The following DOCK11 variants were observed in gnomAD, a reference collection of about 807,000 sequenced individuals.
DOCK11 encodes dedicator of cytokinesis 11.
In DOCK11, 70 loss-of-function variants were observed where a neutral mutation model predicts 169.1. That is an observed-to-expected ratio of 0.41 (90% CI 0.34 to 0.51). The LOEUF (loss-of-function observed/expected upper bound fraction) is 0.51, where lower values mean the gene tolerates loss of function less well. DOCK11 is among the 20% of genes least tolerant of loss of function. The pLI, the probability that DOCK11 is intolerant of heterozygous loss-of-function variation, is 0.10. For synonymous variants in DOCK11, 529 were observed against 541.3 expected (o/e 0.98, Z 0.32); for missense variants, 1,166 against 1,538.8 (o/e 0.76, Z 4.05).
rs1333019960 is a variant in DOCK11, at chrX:118,627,577, C to A, written c.3662C>A (p.Thr1221Asn). ...NRGSLSTDKD[T>N]AYGSFQNGHG... The stretch of plus-strand genomic sequence containing the variant: ...GGGAGTCTGAGCACTGACAAAGACA[C>A]CGGTAATTAAACCTTTTGGAGATGA... Residue 1221 changes from threonine (T) to asparagine (N), a missense_variant and splice_region_variant, in exon 33 of 53, where the codon ACC becomes AAC. Physicochemically the swap from Thr to Asn is moderately conservative, Grantham distance 65. Transcript: ENST00000276202. 1 of 1,201,688 alleles carries A rather than the reference C, an allele frequency of 8.3e-7. No homozygotes were observed. The highest frequency in any genetic ancestry group is 1.1e-6 in the Non-Finnish European group (1 of 886,709).
rs764549835 is a variant in DOCK11, at chrX:118,597,400, C to A, written c.2264-31C>A. On this transcript the variant is annotated intron_variant, in intron 20 of 52. Coordinates refer to ENST00000276202, the MANE Select transcript of DOCK11 (RefSeq NM_144658.4). ...GTGTAGCTGATTGCATTTGATATTTCATTTCTCACAGTTTGTTATTATCTT... is the reference window on the plus strand; with the variant it reads ...GTGTAGCTGATTGCATTTGATATTTAATTTCTCACAGTTTGTTATTATCTT... 5.0e-6 allele frequency: 6 copies of A among 1,206,768 alleles called. No individual in the cohort carries two copies. The Admixed American group carries it at 1.3e-4, about 26-fold the overall frequency.
At chrX:118,577,372 G>A (rs775156197) in intron 12 of DOCK11, among the ~76,000 whole-genome samples, 139 of 112,235 alleles carry the variant, frequency 1.2e-3, no homozygotes, top group Non-Finnish European at 2.2e-3. Flanking sequence ...GGTACCTGAT[G>A]TGCATTACTT....
chrX:118,586,406 G>A (rs2013816335), intron 16 of DOCK11, among the ~76,000 whole-genome samples: 1 of 111,016 alleles, frequency 9.0e-6, no homozygotes, highest in Non-Finnish European at 1.9e-5. Flanking sequence ...GAGATAAATA[G>A]TGAATGAAAG....
intron 1 of DOCK11, among the ~76,000 whole-genome samples, chrX:118,540,862 TG>T (rs2011966158): frequency 8.9e-6 from 1 of 111,900 alleles, no homozygotes; most frequent in African/African-American, 3.2e-5. Context: ...AAATTATATT[TG>T]GGGTTTTTAT....
Position 118,662,695 on chromosome X carries a change from C to T in DOCK11, c.4979C>T (p.Pro1660Leu). ...TTTTTTATTCACACAGAATTATTTC[C>T]TAACGGATGTTCAGCGTTCAAGAAA... ...AEFLHRKKLFPNGCSAFKKIT... is the reference protein window; with the variant it reads ...AEFLHRKKLFLNGCSAFKKIT... The change falls in exon 45 of 53, where the codon CCT (proline) becomes CTT (leucine). Residue 1660 changes from proline to leucine, a missense_variant. Physicochemically the swap from Pro to Leu is moderately conservative, Grantham distance 98 (BLOSUM62 -3). Coordinates refer to ENST00000276202, the MANE Select transcript of DOCK11 (RefSeq NM_144658.4). 8.6e-7 allele frequency: 1 copy of T among 1,159,197 alleles called. No homozygotes were observed. Among genetic ancestry groups the T allele is most frequent in the Non-Finnish European group, 1.2e-6 (1 of 850,035 alleles).
At chrX:118,591,480 T>G (rs866024849) in intron 19 of DOCK11, among the ~76,000 whole-genome samples, 2 of 110,397 alleles carry the variant, frequency 1.8e-5, no homozygotes, top group Non-Finnish European at 3.8e-5. Context: ...TGTATCTCTG[T>G]AACCAACATC....
chrX:118,503,116 C>T (rs2057587458), intron 1 of DOCK11, among the ~76,000 whole-genome samples: 1 of 103,637 alleles, frequency 9.6e-6, no homozygotes. Context: ...TCTTGTCGCC[C>T]AGGCACGATC....
At chrX:118,674,816 C>T (rs2016570274) in intron 46 of DOCK11, among the ~76,000 whole-genome samples, 2 of 111,955 alleles carry the variant, frequency 1.8e-5, no homozygotes, top group Admixed American at 9.5e-5. Context: ...TACTTCATAT[C>T]CTTACCAACA....
intron 41 of DOCK11, among the ~76,000 whole-genome samples, chrX:118,649,757 C>A (rs905638167): frequency 9.0e-6 from 1 of 110,799 alleles, no homozygotes; most frequent in Non-Finnish European, 1.9e-5. Context: ...TCAGGTGATC[C>A]ACCCACCTTA....
intron 4 of DOCK11, 113 bp downstream of exon 4, chrX:118,543,706 T>G (rs1201905012): frequency 3.7e-6 from 2 of 545,272 alleles, no homozygotes; most frequent in Non-Finnish European, 6.1e-6. Flanking sequence ...ATCCCAGCAC[T>G]TTGGGAGGCC....
chrX:118,591,282 C>T (rs955291874), intron 19 of DOCK11, among the ~76,000 whole-genome samples: 8 of 111,944 alleles, frequency 7.1e-5, no homozygotes, highest in Non-Finnish European at 1.3e-4. Context: ...GTATTTTTGC[C>T]ACCCAGGGAG....
intron 48 of DOCK11, among the ~76,000 whole-genome samples, chrX:118,679,918 ATTTT>A (rs55756738): frequency 1.1e-4 from 6 of 55,431 alleles, no homozygotes; most frequent in East Asian, 5.4e-4. Flanking sequence ...GATTACAGTA[ATTTT>A]TTTTTTTTTT....
chrX:118,558,670 G>A (rs757256893), intron 6 of DOCK11, among the ~76,000 whole-genome samples: 3 of 111,982 alleles, frequency 2.7e-5, no homozygotes, highest in Non-Finnish European at 3.8e-5. Flanking sequence ...ATTAGAATGA[G>A]AAGAGACCTT....
At chrX:118,639,663 A>G in intron 38 of DOCK11, 86 bp downstream of exon 38, 1 of 984,455 alleles carries the variant, frequency 1.0e-6, no homozygotes, top group Non-Finnish European at 1.4e-6. Context: ...TGGATACCAT[A>G]AATACCTTGA....
chrX:118,581,853 C>A (rs1179281889), intron 14 of DOCK11, among the ~76,000 whole-genome samples: 1 of 80,886 alleles, frequency 1.2e-5, no homozygotes, highest in Non-Finnish European at 2.4e-5. Context: ...GGTTATTGGC[C>A]GGCCACAGTG....
rs1403313767 is a variant in DOCK11 at position 118,681,106 on chromosome X, A to G, written c.5720A>G (p.Glu1907Gly). Residue 1907 changes from glutamate (E) to glycine (G), a missense_variant, in exon 50 of 53, where the codon GAA becomes GGA. Glu to Gly is a moderately conservative substitution (Grantham distance 98, BLOSUM62 -2). Coordinates refer to ENST00000276202, the MANE Select transcript of DOCK11 (RefSeq NM_144658.4). Reference sequence around the variant, plus strand: ...AAGAAGAGGATTCCTATTAACTGTGAACAGCAGATTAATTTAAAACCAATT... The same window carrying G: ...AAGAAGAGGATTCCTATTAACTGTGGACAGCAGATTAATTTAAAACCAATT... ...YVKKRIPINCEQQINLKPIDV... is the reference protein window; with the variant it reads ...YVKKRIPINCGQQINLKPIDV... 8.3e-7 allele frequency: 1 copy of G among 1,203,889 alleles called. No homozygotes were observed. Among genetic ancestry groups the G allele is most frequent in the Admixed American group, 2.2e-5 (1 of 44,756 alleles).
At chrX:118,504,907 TG>T (rs2057600882) in intron 1 of DOCK11, among the ~76,000 whole-genome samples, 1 of 112,817 alleles carries the variant, frequency 8.9e-6, no homozygotes, top group Admixed American at 9.4e-5. Flanking sequence ...GCTTGGGCTC[TG>T]GAAGCATGCT....
At chrX:118,568,474 A>G (rs372770554) in intron 10 of DOCK11, among the ~76,000 whole-genome samples, 1 of 99,025 alleles carries the variant, frequency 1.0e-5, no homozygotes, top group African/African-American at 3.7e-5. Flanking sequence ...CTCAAAATAG[A>G]TAAATTAAAG....
At chrX:118,592,009 C>T (rs1182301469) in intron 19 of DOCK11, among the ~76,000 whole-genome samples, 1 of 107,383 alleles carries the variant, frequency 9.3e-6, no homozygotes, top group Non-Finnish European at 1.9e-5. Flanking sequence ...ATATGTGCCA[C>T]ATTTTCTTAA....
Sources: gnomAD v4.1 joint callset for allele counts (sites outside exome capture counted in the v4.1 genomes callset) on GRCh38, gnomAD v4.1.1 for gene constraint, MANE v1.5 for transcripts, NCBI Gene and HGNC (gene_info 2026-07-23, HGNC 2026-07-21) for gene names.